Variants in WIPF1 observed in about 807,000 individuals in gnomAD.
WIPF1 encodes the protein WAS/WASL-interacting protein family member 1.
WIPF1 carries 13 observed loss-of-function variants against 35.4 expected under a neutral mutation model. That is an observed-to-expected ratio of 0.37 (90% confidence interval 0.24 to 0.58). The LOEUF is 0.58. WIPF1 is among the 20% of genes least tolerant of loss of function. The pLI is 0.74. For missense variants in WIPF1, 591 were observed against 667.0 expected, an observed-to-expected ratio of 0.89 and a Z score of 1.25; for synonymous variants, 267 against 266.3, an observed-to-expected ratio of 1.00 and a Z score of -0.02.
intron 1 of WIPF1, among the ~76,000 whole-genome samples, chr2:174,661,171 AGCAGGTAGACCTGCCTGAGGG>A (rs1687751259): frequency 6.6e-6 from 1 of 152,266 alleles, no homozygotes; most frequent in Admixed American, 6.5e-5. Context: ...GCCAGCGTGC[AGCAGGTAGACCTGCCTGAGGG>A]GCAGCCTGAC....
chr2:174,575,116 C>T lies in WIPF1; in HGVS notation c.358+88G>A, dbSNP rs946077055. On this transcript the variant is annotated intron_variant, in intron 4 of 7. Coordinates refer to ENST00000679041, the MANE Select transcript of WIPF1 (RefSeq NM_001375834.1). Reference sequence around the variant, plus strand: ...ACAATGTACAATATTTTAATAAGGGCGAAGAGCCTTAGAGGCTATGACCAG... The same window carrying T: ...ACAATGTACAATATTTTAATAAGGGTGAAGAGCCTTAGAGGCTATGACCAG... 29 of 1,382,792 alleles carry T rather than the reference C, an allele frequency of 2.1e-5. No homozygotes were observed. The African/African-American group carries it at 2.9e-4, about 14-fold the overall frequency. The allele number at this position is 1,382,792 out of a possible 1,614,324, so 85.7% of individuals were successfully genotyped here. A position where few individuals can be genotyped will look rare whatever the true frequency, so the allele number is the denominator to read the frequency against.
intron 1 of WIPF1, among the ~76,000 whole-genome samples, chr2:174,603,637 A>G (rs1686071798): frequency 1.3e-5 from 2 of 152,248 alleles, no homozygotes; most frequent in African/African-American, 4.8e-5. Flanking sequence ...GAAAGAGATA[A>G]ATGTAGGCTC....
intron 1 of WIPF1, among the ~76,000 whole-genome samples, chr2:174,658,777 C>G (rs999496435): frequency 6.6e-6 from 1 of 151,658 alleles, no homozygotes; most frequent in African/African-American, 2.4e-5. Context: ...CAGGTACACC[C>G]CACAGCATCC....
At chr2:174,634,032 C>G (rs927908469) in intron 1 of WIPF1, among the ~76,000 whole-genome samples, 2 of 152,122 alleles carry the variant, frequency 1.3e-5, no homozygotes, top group African/African-American at 4.8e-5. Flanking sequence ...GAAATACAAG[C>G]CAAAAGATGA....
At chr2:174,632,734 A>T (rs1288296637) in intron 1 of WIPF1, among the ~76,000 whole-genome samples, 1 of 134,912 alleles carries the variant, frequency 7.4e-6, no homozygotes, top group Non-Finnish European at 1.6e-5. Flanking sequence ...AAAAAAAAAA[A>T]AAGACATCAG....
At chr2:174,661,120 G>C (rs1053348935) in intron 1 of WIPF1, among the ~76,000 whole-genome samples, 1 of 152,236 alleles carries the variant, frequency 6.6e-6, no homozygotes, top group Non-Finnish European at 1.5e-5. Flanking sequence ...TGGTGCTGGG[G>C]CTGCAGAAGT....
chr2:174,579,910 T>G (rs1464440004), intron 3 of WIPF1, among the ~76,000 whole-genome samples: 2 of 152,118 alleles, frequency 1.3e-5, no homozygotes, highest in Non-Finnish European at 1.5e-5. Context: ...TTGTGGGCAT[T>G]TTGACTTACA....
In WIPF1 at chr2:174,590,592, C is replaced by T. The variant is rs1685572864; in HGVS notation, c.-38-4981G>A. Among the ~76,000 whole-genome samples, 1 of 152,162 alleles carries T rather than the reference C, an allele frequency of 6.6e-6. No individual in the cohort carries two copies. The highest frequency in any genetic ancestry group is 2.1e-4 in the South Asian group (1 of 4,822). ...AGGAGAGACGCAAGAAGGGAAGGGA[C>T]TCAGCAGCAGTTTCCCAGTGTGGTC... On this transcript the variant is annotated intron_variant, in intron 1 of 7. Transcript: ENST00000679041. The surrounding 1 kb of genome is among the most constrained non-coding windows in gnomAD (Gnocchi z 4.6).
chr2:174,572,101 A>G lies in WIPF1; in HGVS notation c.704T>C (p.Ile235Thr), dbSNP rs1365815925. ...NRGTALGGGSIRQSPLSSSSP... is the reference protein window; with the variant it reads ...NRGTALGGGSTRQSPLSSSSP... ...GGAGGAGCTCAAGGGGGACTGACGT[A>G]TTGAGCCTCCTCCCAAAGCAGTGCC... Residue 235 changes from isoleucine (I) to threonine (T), a missense_variant, in exon 5 of 8, where the codon ATA (isoleucine) becomes ACA (threonine). Coordinates refer to ENST00000679041, the MANE Select transcript of WIPF1 (RefSeq NM_001375834.1). The G allele has an allele frequency of 6.3e-7, 1 of 1,595,120 alleles. No individual in the cohort carries two copies. The highest frequency in any genetic ancestry group is 1.3e-5 in the African/African-American group (1 of 74,414).
chr2:174,630,241 C>G (rs1035374465), intron 1 of WIPF1: 1 of 152,184 alleles, frequency 6.6e-6, no homozygotes, highest in Non-Finnish European at 1.5e-5. Flanking sequence ...GGCATGAACG[C>G]AACTAGAAAG....
chr2:174,635,829 C>T (rs1421543274), intron 1 of WIPF1, among the ~76,000 whole-genome samples: 3 of 152,064 alleles, frequency 2.0e-5, no homozygotes, highest in South Asian at 2.1e-4. Flanking sequence ...TATAATTCCC[C>T]GATGAAGTTT....
chr2:174,571,625 C>T lies in WIPF1; in HGVS notation c.1129+51G>A. ...ATCTTGACTGACAGGATTATTGGTA[C>T]ATTTGGGCAGGCTGGGTTTTGGAAG... On this transcript the variant is annotated intron_variant, in intron 5 of 7. Coordinates refer to ENST00000679041, the MANE Select transcript of WIPF1 (RefSeq NM_001375834.1). The surrounding 1 kb of genome is among the most constrained non-coding windows in gnomAD (Gnocchi z 4.6). 1 of 1,611,694 alleles carries T rather than the reference C, an allele frequency of 6.2e-7. No homozygotes were observed. The highest frequency in any genetic ancestry group is 8.5e-7 in the Non-Finnish European group (1 of 1,178,004).
At chr2:174,641,603 TCA>T (rs1287308197) in intron 1 of WIPF1, among the ~76,000 whole-genome samples, 1 of 152,194 alleles carries the variant, frequency 6.6e-6, no homozygotes, top group East Asian at 1.9e-4. Flanking sequence ...TTACAAATGG[TCA>T]CAGACAAAAT....
rs760064995 is a variant in WIPF1, at chr2:174,562,509, G to A, written c.*38C>T. ...ATGCAGTTCTTAGATAGCAACAGAAGCAGCTCTTGAGCTTGGGTAGAGAAG... is the reference window on the plus strand; with the variant it reads ...ATGCAGTTCTTAGATAGCAACAGAAACAGCTCTTGAGCTTGGGTAGAGAAG... On this transcript the variant is annotated 3_prime_UTR_variant, in exon 8 of 8. Transcript: ENST00000679041. 6.2e-7 allele frequency: 1 copy of A among 1,614,054 alleles called. No individual in the cohort carries two copies. The highest frequency in any genetic ancestry group is 8.5e-7 in the Non-Finnish European group (1 of 1,179,982).
At chr2:174,627,970 C>A (rs1574846625) in intron 1 of WIPF1, among the ~76,000 whole-genome samples, 1 of 152,112 alleles carries the variant, frequency 6.6e-6, no homozygotes, top group Non-Finnish European at 1.5e-5. Context: ...GGAGAGGCTG[C>A]TGTTTACCCT....
In WIPF1 at chr2:174,645,023, G is replaced by A. The variant is rs763989736; in HGVS notation, c.-39+37751C>T. Among the ~76,000 whole-genome samples the A allele has an allele frequency of 5.1e-4, 78 of 152,132 alleles. 1 individual carries two copies. The highest frequency in any genetic ancestry group is 1.1e-3 in the Non-Finnish European group (72 of 68,024). On this transcript the variant is annotated intron_variant, in intron 1 of 8. Transcript: ENST00000272746. ...TCCTTATTTGATTTTTCATAGAGAA[G>A]CCTAGAGTAGAGGGGAAGGAATAGG...
intron 1 of WIPF1, among the ~76,000 whole-genome samples, chr2:174,661,867 G>A (rs1687767850): frequency 6.6e-6 from 1 of 152,184 alleles, no homozygotes; most frequent in African/African-American, 2.4e-5. Flanking sequence ...GGTGTGTGGT[G>A]TCTGGGGGGG....
At chr2:174,660,741 T>C (rs1687741521) in intron 1 of WIPF1, among the ~76,000 whole-genome samples, 1 of 152,120 alleles carries the variant, frequency 6.6e-6, no homozygotes. Flanking sequence ...GGCTCAACCA[T>C]GTTCTAGCTA....
intron 1 of WIPF1, among the ~76,000 whole-genome samples, chr2:174,607,546 C>G (rs1397563004): frequency 6.6e-6 from 1 of 152,206 alleles, no homozygotes; most frequent in Non-Finnish European, 1.5e-5. Flanking sequence ...CCATTTTATA[C>G]CAAGTAAAAC....
Sources: gnomAD v4.1 joint callset for allele counts (sites outside exome capture counted in the v4.1 genomes callset) on GRCh38, gnomAD v4.1.1 for gene constraint, Gnocchi (gnomAD v3.1) non-coding constraint, MANE v1.5 for transcripts, NCBI Gene and HGNC (gene_info 2026-07-23, HGNC 2026-07-21) for gene names.